EFCAB5: variants seen among roughly 807,000 people sequenced by gnomAD.
EFCAB5 encodes EF-hand calcium-binding domain-containing protein 5.
A neutral mutation model predicts 167.9 loss-of-function variants in EFCAB5; 131 were observed. The observed-to-expected ratio is 0.78, with a 90% CI of 0.68 to 0.90. EFCAB5 has a LOEUF of 0.90. EFCAB5 is among the 40% of genes least tolerant of loss of function. The pLI, the probability that EFCAB5 is intolerant of heterozygous loss-of-function variation, is 0.00. For missense variants in EFCAB5, 1,663 were observed against 1,745.2 expected, an observed-to-expected ratio of 0.95 and a Z score of 0.84; for synonymous variants, 574 against 602.8, an observed-to-expected ratio of 0.95 and a Z score of 0.70.
chr17:30,011,272 T>C (rs1281040400), intron 7 of EFCAB5, among the ~76,000 whole-genome samples: 2 of 152,216 alleles, frequency 1.3e-5, no homozygotes, highest in Non-Finnish European at 2.9e-5. Context: ...GGCTTAGGAT[T>C]GTCTTGGCGA....
chr17:30,015,675 T>C (rs951558603), intron 7 of EFCAB5, among the ~76,000 whole-genome samples: 1 of 152,236 alleles, frequency 6.6e-6, no homozygotes, highest in African/African-American at 2.4e-5. Flanking sequence ...TGGTAGCACA[T>C]TGTGCTTTTG....
At chr17:30,012,188 C>T (rs766749082) in intron 7 of EFCAB5, among the ~76,000 whole-genome samples, 11 of 152,146 alleles carry the variant, frequency 7.2e-5, no homozygotes, top group Non-Finnish European at 1.5e-4. Flanking sequence ...AGGAAAAACA[C>T]CTGCTACTTA....
upstream of EFCAB5, among the ~76,000 whole-genome samples, chr17:29,939,496 T>C (rs1053646764): frequency 6.6e-6 from 1 of 152,232 alleles, no homozygotes; most frequent in African/African-American, 2.4e-5. Context: ...AAATCCTAGA[T>C]AGCATCTTCT....
chr17:30,030,479 G>T (rs538838680), intron 7 of EFCAB5, among the ~76,000 whole-genome samples: 1 of 152,056 alleles, frequency 6.6e-6, no homozygotes, highest in Non-Finnish European at 1.5e-5. Context: ...AAGTAGCTGG[G>T]ATTACAGGCA....
chr17:30,024,366 C>A (rs1022768051), intron 7 of EFCAB5, among the ~76,000 whole-genome samples: 8 of 152,132 alleles, frequency 5.3e-5, no homozygotes, highest in Admixed American at 1.3e-4. Flanking sequence ...ACAAAAATAA[C>A]AAGCATTCTT....
rs762401142 is a variant in EFCAB5 at position 30,034,283 on chromosome 17, T to C, written c.1098T>C (p.Leu366=). The part of the protein sequence containing the change: ...DLKSEMFEEL[L]KHLCHSADEF... ...AGAGTGAAATGTTTGAGGAACTTCT[T>C]AAGCACCTTTGCCACTCTGCAGATG... Residue 366 remains leucine, a synonymous_variant, in exon 8 of 23, where the codon CTT becomes CTC. Coordinates refer to ENST00000394835, the MANE Select transcript of EFCAB5 (RefSeq NM_198529.4). 3.2e-5 allele frequency: 51 copies of C among 1,613,916 alleles called. No individual in the cohort carries two copies. Among genetic ancestry groups the C allele is most frequent in the Non-Finnish European group, 4.2e-5 (50 of 1,179,904 alleles).
chr17:30,088,024 A>G (rs2071122248), intron 19 of EFCAB5, among the ~76,000 whole-genome samples: 1 of 152,126 alleles, frequency 6.6e-6, no homozygotes, highest in East Asian at 1.9e-4. Flanking sequence ...TTTGATTTGC[A>G]TTTCTCTAAT....
In EFCAB5 at chr17:30,080,255, G is replaced by A; in HGVS notation, c.3197+14G>A. On this transcript the variant is annotated intron_variant, in intron 16 of 22. Transcript: ENST00000394835. ...GAAAGGAATCAGGTAAGAACTTCTT[G>A]AAGAGATTGGTTTCACCCTCCTAAA... The A allele has an allele frequency of 6.5e-7, 1 of 1,548,090 alleles. No individual in the cohort carries two copies. The highest frequency in any genetic ancestry group is 8.7e-7 in the Non-Finnish European group (1 of 1,154,158).
intron 8 of EFCAB5, among the ~76,000 whole-genome samples, chr17:30,045,911 T>C (rs2069915640): frequency 6.6e-6 from 1 of 151,886 alleles, no homozygotes; most frequent in Non-Finnish European, 1.5e-5. Flanking sequence ...TGTAGTGGCA[T>C]GGTACCTGTA....
At chr17:29,998,198 C>T (rs1315009791) in intron 6 of EFCAB5, among the ~76,000 whole-genome samples, 3 of 152,118 alleles carry the variant, frequency 2.0e-5, no homozygotes, top group South Asian at 2.1e-4. Flanking sequence ...TTCCAAAAAC[C>T]GTAATTCTTC....
At chr17:30,067,948 C>T (rs2070619439) in intron 14 of EFCAB5, among the ~76,000 whole-genome samples, 1 of 152,164 alleles carries the variant, frequency 6.6e-6, no homozygotes, top group African/African-American at 2.4e-5. Context: ...CTAAAAGCTC[C>T]ACCAAAAAAT....
intron 8 of EFCAB5, among the ~76,000 whole-genome samples, chr17:30,048,491 C>CTTT (rs748404709): frequency 1.4e-5 from 2 of 142,816 alleles, no homozygotes; most frequent in Admixed American, 7.0e-5. Context: ...GAGGATACTT[C>CTTT]TTTTTTTTTT....
intron 7 of EFCAB5, among the ~76,000 whole-genome samples, chr17:30,027,686 T>G (rs1206916645): frequency 6.6e-6 from 1 of 152,018 alleles, no homozygotes; most frequent in African/African-American, 2.4e-5. Context: ...AACATGAAAC[T>G]TTCTGTGTTA....
chr17:29,947,206 T>C (rs866031167), intron 3 of EFCAB5, among the ~76,000 whole-genome samples: 2 of 151,658 alleles, frequency 1.3e-5, no homozygotes, highest in South Asian at 2.1e-4. Context: ...AAATGTGGTA[T>C]ATATACACCA....
At chr17:30,101,196 C>T (rs757798515) in intron 22 of EFCAB5, among the ~76,000 whole-genome samples, 54 of 152,150 alleles carry the variant, frequency 3.5e-4, no homozygotes, top group Non-Finnish European at 7.1e-4. Context: ...ACGATATGAC[C>T]TATGTTTTAA....
chr17:30,095,325 A>G (rs1268685716), intron 22 of EFCAB5, among the ~76,000 whole-genome samples: 1 of 152,126 alleles, frequency 6.6e-6, no homozygotes, highest in Non-Finnish European at 1.5e-5. Flanking sequence ...GGGGTCCCAG[A>G]GCTCCAACTC....
intron 4 of EFCAB5, among the ~76,000 whole-genome samples, chr17:29,971,061 G>A (rs1207850627): frequency 2.1e-5 from 3 of 142,340 alleles, no homozygotes; most frequent in Non-Finnish European, 4.6e-5. Context: ...GCAACAGAGT[G>A]AGACCCCATC....
At chr17:30,066,981 A>G (rs989676268) in intron 14 of EFCAB5, among the ~76,000 whole-genome samples, 3 of 152,232 alleles carry the variant, frequency 2.0e-5, no homozygotes, top group Non-Finnish European at 2.9e-5. Context: ...AAACCTGAAC[A>G]GACCAATCAC....
chr17:29,968,699 G>C (rs1325543414), intron 3 of EFCAB5, 92 bp from the exon 4 acceptor site: 13 of 1,025,812 alleles, frequency 1.3e-5, no homozygotes, highest in Non-Finnish European at 1.5e-5. Flanking sequence ...TGTGTAAATG[G>C]ATATAAAAAT....
Sources: allele counts gnomAD v4.1 joint callset (sites outside exome capture counted in the v4.1 genomes callset), GRCh38; gene constraint gnomAD v4.1.1; transcripts MANE v1.5; gene names NCBI Gene and HGNC (gene_info 2026-07-23, HGNC 2026-07-21).